Variants in RNMT observed in about 807,000 individuals in gnomAD.
RNMT encodes the protein mRNA cap guanine-N(7) methyltransferase.
RNMT carries 27 observed loss-of-function variants against 56.0 expected under a neutral mutation model. That is an observed-to-expected ratio of 0.48 (90% CI 0.36 to 0.67). RNMT has a LOEUF of 0.67. Ranked by LOEUF, RNMT falls within the 30% of genes least tolerant of loss-of-function variation. The pLI, the probability that RNMT is intolerant of heterozygous loss-of-function variation, is 0.00. For synonymous variants in RNMT, 184 were observed against 176.2 expected, an observed-to-expected ratio of 1.04 and a Z score of -0.35; for missense variants, 519 against 552.1, an observed-to-expected ratio of 0.94 and a Z score of 0.60.
At chr18:13,731,207 G>C (rs1206482861) in intron 2 of RNMT, among the ~76,000 whole-genome samples, 9 of 152,206 alleles carry the variant, frequency 5.9e-5, no homozygotes, top group Admixed American at 5.9e-4. Flanking sequence ...AGGAGTTAGA[G>C]ACCAGCCTGC....
intron 8 of RNMT, among the ~76,000 whole-genome samples, chr18:13,744,101 CAA>C (rs1185646276): frequency 7.7e-6 from 1 of 129,408 alleles, no homozygotes; most frequent in African/African-American, 3.0e-5. Context: ...TTAGTATAAT[CAA>C]AAAGATAATA....
chr18:13,761,766 C>A lies in RNMT; in HGVS notation c.*1787C>A. 1 of 1,206,088 alleles carries A rather than the reference C, an allele frequency of 8.3e-7. No individual in the cohort carries two copies. Among genetic ancestry groups the A allele is most frequent in the Non-Finnish European group, 1.0e-6 (1 of 964,194 alleles). The allele number at this position is 1,206,088 out of a possible 1,614,324, so 74.7% of individuals were successfully genotyped here. A position where few individuals can be genotyped will look rare whatever the true frequency, so the allele number is the denominator to read the frequency against. On this transcript the variant is annotated 3_prime_UTR_variant, in exon 12 of 12. Coordinates refer to ENST00000383314, the MANE Select transcript of RNMT (RefSeq NM_003799.3). The stretch of plus-strand genomic sequence containing the variant: ...GGCTTACTGGAGCCACACCTGCAGG[C>A]GCTGTGTTCAGGCACCACCTTCCTC...
intron 10 of RNMT, 81 bp from the exon 11 acceptor site, chr18:13,754,033 C>A: frequency 2.6e-6 from 2 of 762,196 alleles, no homozygotes; most frequent in Non-Finnish European, 4.4e-6. Flanking sequence ...TTTTGGCCAT[C>A]TCTGCCCATT....
At chr18:13,741,449 A>T (rs2044249492) in intron 6 of RNMT, 61 bp from the exon 7 acceptor site, 1 of 1,199,688 alleles carries the variant, frequency 8.3e-7, no homozygotes, top group South Asian at 1.4e-5. Flanking sequence ...TAATTTACTA[A>T]AAAGTTTTTA....
At chr18:13,732,139 T>TG (rs1218163108) in intron 3 of RNMT, among the ~76,000 whole-genome samples, 12 of 152,344 alleles carry the variant, frequency 7.9e-5, no homozygotes, top group Admixed American at 2.6e-4. Flanking sequence ...ATTTTTTAGT[T>TG]TTTGTTTGTT....
Position 13,761,459 on chromosome 18 carries a change from A to G in RNMT, c.*1480A>G. The G allele has an allele frequency of 2.0e-6, 2 of 986,148 alleles. No individual in the cohort carries two copies. The highest frequency in any genetic ancestry group is 2.4e-6 in the Non-Finnish European group (2 of 830,420). 61.1% of individuals were successfully genotyped at this position (986,148 alleles called of 1,614,324 possible). ...GAAGTATATTGATAGCTTTGTAGGT[A>G]CAGGAAAAACATCATCATTATTTCC... On this transcript the variant is annotated 3_prime_UTR_variant, in exon 12 of 12. Transcript: ENST00000383314.
rs997204480 is a variant in RNMT, at chr18:13,761,558, G to A, written c.*1579G>A. 85 of 991,856 alleles carry A rather than the reference G, an allele frequency of 8.6e-5. No individual in the cohort carries two copies. The highest frequency in any genetic ancestry group is 1.6e-4 in the African/African-American group (9 of 57,244). 61.4% of individuals were successfully genotyped at this position (991,856 alleles called of 1,614,324 possible). A position where few individuals can be genotyped will look rare whatever the true frequency, so the allele number is the denominator to read the frequency against. On this transcript the variant is annotated 3_prime_UTR_variant, in exon 12 of 12. Transcript: ENST00000383314. The stretch of plus-strand genomic sequence containing the variant: ...ACTTTTAGCCTGAAACCTCTTCCAC[G>A]CCATGGGTAACTTGGGGGAGAGAAG...
chr18:13,741,837 A>C, intron 7 of RNMT, 146 bp downstream of exon 7: 1 of 554,898 alleles, frequency 1.8e-6, no homozygotes, highest in Non-Finnish European at 3.0e-6. Context: ...GACATTCAAA[A>C]TTTAAATTCA....
intron 10 of RNMT, 127 bp from the exon 11 acceptor site, chr18:13,753,987 G>A: frequency 1.7e-6 from 1 of 595,328 alleles, no homozygotes; most frequent in Non-Finnish European, 3.0e-6. Context: ...ATGATTAACA[G>A]TGAATCGAAT....
chr18:13,730,929 A>T (rs1236484827), intron 2 of RNMT, among the ~76,000 whole-genome samples, 174 bp downstream of exon 2: 1 of 152,256 alleles, frequency 6.6e-6, no homozygotes, highest in East Asian at 1.9e-4. Flanking sequence ...GTGCATGTGT[A>T]TCGCCACTTC....
rs190058534 is a variant in RNMT at position 13,760,083 on chromosome 18, A to C, written c.*104A>C. 1,244 of 1,507,358 alleles carry C rather than the reference A, an allele frequency of 8.3e-4. 5 individuals carry two copies. The African/African-American group carries it at 0.016, about 19-fold the overall frequency. 93.4% of individuals were successfully genotyped at this position (1,507,358 alleles called of 1,614,324 possible). The stretch of plus-strand genomic sequence containing the variant: ...TTCTCTGTCTGTTGATTTTAATTCT[A>C]AATGTGCAGGATGCTGCCAGAAACT... On this transcript the variant is annotated 3_prime_UTR_variant, in exon 12 of 12. Coordinates refer to ENST00000383314, the MANE Select transcript of RNMT (RefSeq NM_003799.3).
intron 9 of RNMT, among the ~76,000 whole-genome samples, chr18:13,747,754 T>TA (rs1425674659): frequency 6.6e-6 from 1 of 152,196 alleles, no homozygotes; most frequent in Non-Finnish European, 1.5e-5. Flanking sequence ...CCTCATTAGT[T>TA]ATATTTCCTA....
intron 8 of RNMT, among the ~76,000 whole-genome samples, chr18:13,744,159 C>CT (rs201093998): frequency 0.025 from 2,257 of 91,218 alleles, 424 homozygotes; most frequent in African/African-American, 0.11. Context: ...TAGCGGTCTT[C>CT]TTTTTTTTTT....
intron 5 of RNMT, among the ~76,000 whole-genome samples, chr18:13,739,454 T>C (rs2044216984): frequency 6.6e-6 from 1 of 152,222 alleles, no homozygotes; most frequent in African/African-American, 2.4e-5. Context: ...TAAGATCCCA[T>C]TGCCTTTGCA....
At chr18:13,728,023 T>C (rs924270808) in intron 1 of RNMT, among the ~76,000 whole-genome samples, 3 of 152,228 alleles carry the variant, frequency 2.0e-5, no homozygotes, top group African/African-American at 7.2e-5. Context: ...ATCTTGACTA[T>C]TGTGAATAAA....
rs1258803483 is a variant in RNMT, at chr18:13,761,261, A to G, written c.*1282A>G. The G allele has an allele frequency of 2.0e-6, 2 of 985,300 alleles. No homozygotes were observed. Among genetic ancestry groups the G allele is most frequent in the African/African-American group, 1.7e-5 (1 of 57,264 alleles). The allele number at this position is 985,300 out of a possible 1,614,324, so 61.0% of individuals were successfully genotyped here. A position where few individuals can be genotyped will look rare whatever the true frequency, so the allele number is the denominator to read the frequency against. ...CTGTGAATCTCCACAAAGTGTTACC[A>G]GTTTACAAAAATAAGTCTTTTTGCC... On this transcript the variant is annotated 3_prime_UTR_variant, in exon 12 of 12. Coordinates refer to ENST00000383314, the MANE Select transcript of RNMT (RefSeq NM_003799.3).
In RNMT at chr18:13,762,409, G is replaced by C. The variant is rs1037333517; in HGVS notation, c.*2430G>C. 1 of 444,430 alleles carries C rather than the reference G, an allele frequency of 2.3e-6. No individual in the cohort carries two copies. Among genetic ancestry groups the C allele is most frequent in the African/African-American group, 2.0e-5 (1 of 48,928 alleles). The allele number at this position is 444,430 out of a possible 1,614,324, so 27.5% of individuals were successfully genotyped here. On this transcript the variant is annotated 3_prime_UTR_variant, in exon 12 of 12. Transcript: ENST00000383314. ...TGGAAAGTATTGCAATTCTGTGAGAGTGACTCTGCAGAGTCACTGCACCAT... is the reference window on the plus strand; with the variant it reads ...TGGAAAGTATTGCAATTCTGTGAGACTGACTCTGCAGAGTCACTGCACCAT...
At chr18:13,727,215 A>T (rs2043972984) in intron 1 of RNMT, among the ~76,000 whole-genome samples, 1 of 152,200 alleles carries the variant, frequency 6.6e-6, no homozygotes, top group Admixed American at 6.5e-5. Flanking sequence ...CTTGGGCTTT[A>T]TCCCGGCGGC....
intron 9 of RNMT, among the ~76,000 whole-genome samples, chr18:13,749,568 A>C (rs1316513356): frequency 6.6e-6 from 1 of 152,270 alleles, no homozygotes; most frequent in Non-Finnish European, 1.5e-5. Context: ...GTACGTTTAA[A>C]GTGCCTCCTT....
Sources: gnomAD v4.1 joint callset for allele counts (sites outside exome capture counted in the v4.1 genomes callset) on GRCh38, gnomAD v4.1.1 for gene constraint, MANE v1.5 for transcripts, NCBI Gene and HGNC (gene_info 2026-07-23, HGNC 2026-07-21) for gene names.